C11orf65: variants seen among roughly 807,000 people sequenced by gnomAD.
C11orf65 encodes the protein protein MFI.
In C11orf65, 38 loss-of-function variants were observed where a neutral mutation model predicts 35.3. The ratio of observed to expected loss-of-function variants is 1.08; its 90% CI spans 0.83 to 1.41. The LOEUF (loss-of-function observed/expected upper bound fraction) is 1.41, where lower values mean the gene tolerates loss of function less well. Among genes scored for constraint, C11orf65 ranks in the 40% most tolerant of loss-of-function variants. The pLI, the probability that C11orf65 is intolerant of heterozygous loss-of-function variation, is 0.00. For missense variants in C11orf65, 370 were observed against 367.1 expected (o/e 1.01, Z -0.06); for synonymous variants, 105 against 114.4 (o/e 0.92, Z 0.53).
intron 6 of C11orf65, among the ~76,000 whole-genome samples, chr11:108,322,819 A>G (rs558936767): frequency 1.3e-5 from 2 of 151,774 alleles, no homozygotes; most frequent in South Asian, 4.2e-4. Context: ...TTTGCACAGC[A>G]TGTTACACTC....
At chr11:108,409,643 C>T (rs559862713) in intron 3 of C11orf65, among the ~76,000 whole-genome samples, 1 of 152,124 alleles carries the variant, frequency 6.6e-6, no homozygotes, top group African/African-American at 2.4e-5. Context: ...GCAGGGGTCC[C>T]CAACCCCCAG....
At chr11:108,409,421 C>T (rs1048163475) in intron 3 of C11orf65, among the ~76,000 whole-genome samples, 53 of 152,036 alleles carry the variant, frequency 3.5e-4, no homozygotes, top group African/African-American at 1.2e-3. Flanking sequence ...CAGATGGCCC[C>T]GACTTAAAGT....
intron 3 of C11orf65, among the ~76,000 whole-genome samples, chr11:108,426,355 T>C (rs1227608306): frequency 6.6e-6 from 1 of 151,890 alleles, no homozygotes; most frequent in Non-Finnish European, 1.5e-5. Context: ...ACACCAATAA[T>C]AGACAATCAG....
chr11:108,421,298 T>C (rs1487868837), intron 3 of C11orf65, among the ~76,000 whole-genome samples: 2 of 152,126 alleles, frequency 1.3e-5, no homozygotes, highest in African/African-American at 4.8e-5. Context: ...TGTGATGGCA[T>C]GGAGAGGTGT....
At chr11:108,345,649 C>A in intron 2 of C11orf65, 2 of 1,029,334 alleles carry the variant, frequency 1.9e-6, no homozygotes, top group Admixed American at 2.7e-5. Context: ...ATCTTTATTG[C>A]CCCTATATCT....
At position 108,332,816 on chromosome 11, in the gene C11orf65, C is replaced by G. The variant is rs773159296; in HGVS notation, c.300-1249G>C. The stretch of plus-strand genomic sequence containing the variant: ...ATGTACTATCAGAAGTAGGAGACCT[C>G]AGATGGTCAGAAGTGTTGAGGCACT... On this transcript the variant is annotated intron_variant, in intron 3 of 3. Transcript: ENST00000524755. 6.2e-7 allele frequency: 1 copy of G among 1,613,416 alleles called. No individual in the cohort carries two copies. The highest frequency in any genetic ancestry group is 8.5e-7 in the Non-Finnish European group (1 of 1,179,728).
intron 6 of C11orf65, among the ~76,000 whole-genome samples, chr11:108,397,176 C>T (rs2092332400): frequency 6.6e-6 from 1 of 151,934 alleles, no homozygotes; most frequent in Admixed American, 6.6e-5. Context: ...CAAAAATTAG[C>T]TGGGCATGGT....
chr11:108,318,940 CTGAGGAGGGTGGATCACA>C (rs1205665704), intron 6 of C11orf65, among the ~76,000 whole-genome samples: 3 of 152,090 alleles, frequency 2.0e-5, no homozygotes, highest in African/African-American at 7.2e-5. Flanking sequence ...CTTTGGAAGG[CTGAGGAGGGTGGATCACA>C]TGAGGTTAGG....
chr11:108,358,136 T>G (rs2137520193), intron 2 of C11orf65, among the ~76,000 whole-genome samples: 1 of 151,384 alleles, frequency 6.6e-6, no homozygotes, highest in East Asian at 1.9e-4. Context: ...GCTCGAGAAC[T>G]ATGTGAAGAA....
chr11:108,315,500 A>G lies in C11orf65; in HGVS notation c.641-6429T>C, dbSNP rs147162693. Among the ~76,000 whole-genome samples the G allele has an allele frequency of 6.8e-3, 1,032 of 152,306 alleles. 16 individuals carry two copies. The highest frequency in any genetic ancestry group is 0.023 in the African/African-American group (955 of 41,566). ...GACTAGTTGTACATTTATTTTATGC[A>G]TTCATGACATAACTTTTAAAAAATT... On this transcript the variant is annotated intron_variant, in intron 6 of 6. Coordinates refer to the C11orf65 transcript ENST00000525729.
chr11:108,438,504 T>A (rs978563207), intron 2 of C11orf65, among the ~76,000 whole-genome samples: 2 of 151,780 alleles, frequency 1.3e-5, no homozygotes, highest in South Asian at 4.2e-4. Context: ...TGAGCTGAGA[T>A]TGAGTCACTG....
At position 108,365,400 on chromosome 11, in the gene C11orf65, A is replaced by G. The variant is rs1555151874; in HGVS notation, c.226+27808T>C. 6.2e-7 allele frequency: 1 copy of G among 1,614,220 alleles called. No homozygotes were observed. The highest frequency in any genetic ancestry group is 1.1e-5 in the South Asian group (1 of 91,082). ...TACAAGAGAAACTGAAAGGAGTGGA[A>G]GAAGGCACTGTGCTCAGTGTTGGTG... On this transcript the variant is annotated intron_variant, in intron 2 of 3. Transcript: ENST00000524755.
chr11:108,333,607 G>A (rs137906239), intron 3 of C11orf65, among the ~76,000 whole-genome samples: 28 of 152,234 alleles, frequency 1.8e-4, no homozygotes, highest in Middle Eastern at 3.4e-3. Flanking sequence ...AAACTATTAC[G>A]TAATTATTTT....
chr11:108,438,873 G>A (rs1286254879), intron 2 of C11orf65, among the ~76,000 whole-genome samples: 1 of 152,040 alleles, frequency 6.6e-6, no homozygotes, highest in Non-Finnish European at 1.5e-5. Flanking sequence ...AGGCATGGTG[G>A]TGGTCGCCTG....
At chr11:108,437,116 G>T (rs894685066) in intron 2 of C11orf65, among the ~76,000 whole-genome samples, 1 of 149,160 alleles carries the variant, frequency 6.7e-6, no homozygotes, top group East Asian at 2.0e-4. Context: ...AAAAAGGGGG[G>T]GGGTGGACAA....
chr11:108,326,876 A>G (rs2085731129), downstream of C11orf65, among the ~76,000 whole-genome samples: 1 of 152,056 alleles, frequency 6.6e-6, no homozygotes, highest in African/African-American at 2.4e-5. Flanking sequence ...CCCAGGCTGG[A>G]GTGCAGTGGT....
At chr11:108,335,785 C>G in intron 2 of C11orf65, 1 of 1,374,990 alleles carries the variant, frequency 7.3e-7, no homozygotes, top group East Asian at 2.3e-5. Context: ...TCTCAGATGA[C>G]TCTGTGTTTT....
At chr11:108,443,862 A>G (rs1706614662) in intron 2 of C11orf65, among the ~76,000 whole-genome samples, 1 of 152,226 alleles carries the variant, frequency 6.6e-6, no homozygotes, top group Admixed American at 6.5e-5. Context: ...CCACCAGAGA[A>G]AGCAGGAAAG....
At position 108,391,497 on chromosome 11, in the gene C11orf65, A is replaced by T. The variant is rs150776588; in HGVS notation, c.731+1711T>A. Among the ~76,000 whole-genome samples, 1,219 of 152,304 alleles carry T rather than the reference A, an allele frequency of 8.0e-3. 9 individuals carry two copies. Among genetic ancestry groups the T allele is most frequent in the African/African-American group, 0.025 (1,043 of 41,562 alleles). On this transcript the variant is annotated intron_variant, in intron 7 of 8. Coordinates refer to ENST00000393084, the MANE Select transcript of C11orf65 (RefSeq NM_152587.5). ...CAGATTCAAGTGATTCTCCTGCCTCAGCCTCCTGATAGCTGGGATTACAGG... is the reference window on the plus strand; with the variant it reads ...CAGATTCAAGTGATTCTCCTGCCTCTGCCTCCTGATAGCTGGGATTACAGG...
Sources: gnomAD v4.1 joint callset for allele counts (sites outside exome capture counted in the v4.1 genomes callset) on GRCh38, gnomAD v4.1.1 for gene constraint, MANE v1.5 for transcripts, NCBI Gene and HGNC (gene_info 2026-07-23, HGNC 2026-07-21) for gene names.